Variants in GTF2IRD2 observed in about 807,000 individuals in gnomAD.
GTF2IRD2 encodes GTF2I repeat domain containing 2.
In GTF2IRD2, 8 loss-of-function variants were observed where a neutral mutation model predicts 49.2. That is an observed-to-expected ratio of 0.16 (90% CI 0.10 to 0.29). The LOEUF (loss-of-function observed/expected upper bound fraction) is 0.29. Among genes scored for constraint, GTF2IRD2 ranks in the 10% least tolerant of loss-of-function variants. GTF2IRD2 has a pLI of 1.00. For synonymous variants in GTF2IRD2, 47 were observed against 289.7 expected, an observed-to-expected ratio of 0.16 and a Z score of 8.51; for missense variants, 130 against 725.7, an observed-to-expected ratio of 0.18 and a Z score of 9.43.
At chr7:74,842,644 G>A (rs1160577221) in intron 1 of GTF2IRD2, among the ~76,000 whole-genome samples, 2 of 143,312 alleles carry the variant, frequency 1.4e-5, no homozygotes, top group Non-Finnish European at 3.0e-5. Context: ...CTGTAGCCTT[G>A]ACCTCCTGGG....
chr7:74,806,297 G>GATT (rs587746220), intron 12 of GTF2IRD2, among the ~76,000 whole-genome samples: 2,823 of 135,072 alleles, frequency 0.021, 1 homozygote, highest in African/African-American at 0.068. Context: ...CAGAAAAGAA[G>GATT]ATTATTATTA....
chr7:74,817,117 T>C lies in GTF2IRD2; in HGVS notation c.670+2437A>G, dbSNP rs1798574279. ...CCCAGGCTGGAGTGCAATGGCGCAG[T>C]CTCGGCTCACAGCAAACTCTGCCTC... is the stretch of plus-strand genomic sequence containing the variant. On this transcript the variant is annotated intron_variant, in intron 8 of 15. Coordinates refer to ENST00000451013, the MANE Select transcript of GTF2IRD2 (RefSeq NM_173537.5). Among the ~76,000 whole-genome samples the C allele has an allele frequency of 1.4e-4, 5 of 36,440 alleles. 2 individuals carry two copies. Among genetic ancestry groups the C allele is most frequent in the Non-Finnish European group, 8.9e-5 (2 of 22,522 alleles). 23.9% of individuals were successfully genotyped at this position (36,440 alleles called of 152,430 possible).
chr7:74,841,174 G>T lies in GTF2IRD2; in HGVS notation c.-5-4791C>A, dbSNP rs1379723851. On this transcript the variant is annotated intron_variant, in intron 1 of 15. Transcript: ENST00000451013. ...TTATTTTATATATATATATGTATTGGTTTTTTTTTTTGACATGGAGTCTCA... is the reference window on the plus strand; with the variant it reads ...TTATTTTATATATATATATGTATTGTTTTTTTTTTTTGACATGGAGTCTCA... 1.1e-4 allele frequency among the ~76,000 whole-genome samples: 15 copies of T among 135,222 alleles called. No individual in the cohort carries two copies. In the East Asian group the frequency reaches 2.1e-3, roughly 19 times the overall value. The allele number at this position is 135,222 out of a possible 152,430, so 88.7% of individuals were successfully genotyped here.
chr7:74,826,931 A>G (rs1156517025), intron 3 of GTF2IRD2, among the ~76,000 whole-genome samples: 4 of 151,722 alleles, frequency 2.6e-5, no homozygotes, highest in African/African-American at 4.8e-5. Flanking sequence ...AGGCTGGTCT[A>G]GAACTACTGA....
Position 74,819,919 on chromosome 7 carries a change from C to T in GTF2IRD2, c.626+50G>A, listed in dbSNP as rs368024471. 2.3e-4 allele frequency: 374 copies of T among 1,603,316 alleles called. 20 individuals are homozygous for T. Among genetic ancestry groups the T allele is most frequent in the Middle Eastern group, 4.5e-4 (2 of 4,418 alleles). ...AGGAGGCCTTTCTGTCATCCAAAAA[C>T]GAACGCTGTGCATAGTTGTGGATTT... On this transcript the variant is annotated intron_variant, in intron 7 of 15. Coordinates refer to ENST00000451013, the MANE Select transcript of GTF2IRD2 (RefSeq NM_173537.5).
At chr7:74,844,781 G>A (rs1801127083) in intron 1 of GTF2IRD2, among the ~76,000 whole-genome samples, 1 of 50,604 alleles carries the variant, frequency 2.0e-5, no homozygotes, top group Admixed American at 3.2e-4. Context: ...TCCCCATCCC[G>A]GGCTCAAGCA....
chr7:74,844,356 T>G (rs1455943495), intron 1 of GTF2IRD2, among the ~76,000 whole-genome samples: 1 of 24,346 alleles, frequency 4.1e-5, no homozygotes, highest in African/African-American at 1.4e-4. Context: ...GAGGATTATG[T>G]TTTTTTTATT....
At chr7:74,831,543 A>ACACACACACACACACC (rs1204677476) in intron 3 of GTF2IRD2, among the ~76,000 whole-genome samples, 1 of 140,806 alleles carries the variant, frequency 7.1e-6, no homozygotes. Flanking sequence ...ACACACACAC[A>ACACACACACACACACC]CCCTTATACC....
At position 74,831,305 on chromosome 7, in the gene GTF2IRD2, C is replaced by CAT. The variant is rs587669806; in HGVS notation, c.238+1498_238+1499dup. 3.6e-3 allele frequency among the ~76,000 whole-genome samples: 530 copies of CAT among 148,864 alleles called. 1 individual carries two copies. Among genetic ancestry groups the CAT allele is most frequent in the African/African-American group, 9.9e-3 (401 of 40,362 alleles). On this transcript the variant is annotated intron_variant, in intron 3 of 15. Coordinates refer to ENST00000451013, the MANE Select transcript of GTF2IRD2 (RefSeq NM_173537.5). ...TCCATCCATCTAAGCTATCTACATA[C>CAT]ATATATATATATAATTCCTCTCTCT...
chr7:74,800,415 G>A (rs1379886936), intron 15 of GTF2IRD2, among the ~76,000 whole-genome samples: 3 of 81,458 alleles, frequency 3.7e-5, no homozygotes, highest in East Asian at 7.7e-4. Context: ...GTTTCACCAC[G>A]TTGTACAGAA....
At chr7:74,841,128 C>T (rs1331068768) in intron 1 of GTF2IRD2, among the ~76,000 whole-genome samples, 3 of 142,458 alleles carry the variant, frequency 2.1e-5, no homozygotes, top group Non-Finnish European at 4.5e-5. Context: ...GGTCTACAGG[C>T]GTGAGCCACC....
chr7:74,815,839 A>T (rs1798484490), intron 8 of GTF2IRD2, among the ~76,000 whole-genome samples: 1 of 108,878 alleles, frequency 9.2e-6, no homozygotes, highest in African/African-American at 3.7e-5. Context: ...AGAAAGAAAG[A>T]AAGAAAGAAA....
intron 8 of GTF2IRD2, among the ~76,000 whole-genome samples, chr7:74,815,794 GAAGGAAA>G (rs1286957127): frequency 1.5e-4 from 5 of 32,812 alleles, no homozygotes; most frequent in African/African-American, 6.3e-4. Flanking sequence ...AAGAAAGAAA[GAAGGAAA>G]GAAAGAAAGA....
At chr7:74,831,317 T>C (rs1563018772) in intron 3 of GTF2IRD2, among the ~76,000 whole-genome samples, 2 of 150,900 alleles carry the variant, frequency 1.3e-5, no homozygotes, top group East Asian at 3.9e-4. Context: ...TATATATATA[T>C]AATTCCTCTC....
At chr7:74,846,868 T>G (rs1801352497) in intron 1 of GTF2IRD2, among the ~76,000 whole-genome samples, 1 of 25,394 alleles carries the variant, frequency 3.9e-5, no homozygotes, top group African/African-American at 1.0e-4. Context: ...AGGCTGATCT[T>G]GAACTCCTAG....
chr7:74,826,699 C>CT lies in GTF2IRD2; in HGVS notation c.239-1648dup, dbSNP rs1175596623. 7.1e-3 allele frequency among the ~76,000 whole-genome samples: 118 copies of CT among 16,614 alleles called. 6 individuals are homozygous for CT. The highest frequency in any genetic ancestry group is 8.8e-3 in the Non-Finnish European group (89 of 10,168). The allele number at this position is 16,614 out of a possible 152,430, so 10.9% of individuals were successfully genotyped here. On this transcript the variant is annotated intron_variant, in intron 3 of 15. Transcript: ENST00000451013. ...TTGCTGCAAAAGACATCATTTCATTCTTTTTTTTTTTTTTTTTTTTTTTTT... is the reference window on the plus strand; with the variant it reads ...TTGCTGCAAAAGACATCATTTCATTCTTTTTTTTTTTTTTTTTTTTTTTTTT...
intron 3 of GTF2IRD2, among the ~76,000 whole-genome samples, chr7:74,830,039 A>G (rs1347148127): frequency 6.6e-6 from 1 of 150,786 alleles, no homozygotes; most frequent in Non-Finnish European, 1.5e-5. Context: ...AAAGACAAAT[A>G]GATCTACGGA....
At chr7:74,823,103 G>T in intron 4 of GTF2IRD2, among the ~76,000 whole-genome samples, 1 of 97,766 alleles carries the variant, frequency 1.0e-5, no homozygotes, top group Admixed American at 1.1e-4. Flanking sequence ...GGTCTCGAAC[G>T]GCTGAGCTCA....
intron 1 of GTF2IRD2, among the ~76,000 whole-genome samples, chr7:74,842,363 A>G (rs1800918684): frequency 7.6e-6 from 1 of 131,304 alleles, no homozygotes; most frequent in Admixed American, 7.7e-5. Flanking sequence ...CTGAGTAGCT[A>G]GGATTACAGG....
Sources: allele counts gnomAD v4.1 joint callset (sites outside exome capture counted in the v4.1 genomes callset), GRCh38; gene constraint gnomAD v4.1.1; transcripts MANE v1.5; gene names NCBI Gene and HGNC (gene_info 2026-07-23, HGNC 2026-07-21).